ZNF334: variants seen among roughly 807,000 people sequenced by gnomAD.
ZNF334 encodes the protein zinc finger protein 334.
ZNF334 carries 14 observed loss-of-function variants against 12.4 expected under a neutral mutation model. The ratio of observed to expected loss-of-function variants is 1.13; its 90% CI spans 0.74 to 1.76. The LOEUF is 1.76. ZNF334 is among the 40% of genes most tolerant of loss of function. The pLI is 0.00. For synonymous variants in ZNF334, 273 were observed against 269.6 expected, an observed-to-expected ratio of 1.01 and a Z score of -0.12; for missense variants, 797 against 804.5, an observed-to-expected ratio of 0.99 and a Z score of 0.11.
At chr20:46,479,219 T>C in the ZNF334 span, among the ~76,000 whole-genome samples, 3 of 152,154 alleles carry the variant, frequency 2.0e-5, no homozygotes, top group Admixed American at 6.5e-5. Context: ...TGGAGGCTCC[T>C]ACCTGTCTTT....
At chr20:46,498,243 C>G (rs1225496781), downstream of ZNF334, among the ~76,000 whole-genome samples, 1 of 152,154 alleles carries the variant, frequency 6.6e-6, no homozygotes, top group Non-Finnish European at 1.5e-5. Flanking sequence ...GTGTGATACC[C>G]TTCCGCAACA....
chr20:46,506,275 C>A, intron 2 of ZNF334: 2 of 530,974 alleles, frequency 3.8e-6, no homozygotes, highest in Non-Finnish European at 6.7e-6. Context: ...GTGAAAAAAG[C>A]AAAGTATTAA....
intron 2 of ZNF334, among the ~76,000 whole-genome samples, chr20:46,507,465 T>C (rs1403196658): frequency 6.6e-6 from 1 of 152,094 alleles, no homozygotes; most frequent in African/African-American, 2.4e-5. Flanking sequence ...TTGAATACGA[T>C]AGATAATAAT....
chr20:46,470,107 C>T, the ZNF334 span, among the ~76,000 whole-genome samples: 11 of 152,172 alleles, frequency 7.2e-5, no homozygotes, highest in African/African-American at 2.7e-4. Context: ...CCATAAAAGA[C>T]AGTTAATTTT....
At chr20:46,485,721 G>C in the ZNF334 span, 2 of 152,094 alleles carry the variant, frequency 1.3e-5, no homozygotes, top group Non-Finnish European at 2.9e-5. Flanking sequence ...TTTCGGTCTG[G>C]AGTATCATTT....
the ZNF334 span, among the ~76,000 whole-genome samples, chr20:46,469,118 T>TATA: frequency 6.6e-6 from 1 of 152,186 alleles, no homozygotes; most frequent in Non-Finnish European, 1.5e-5. Context: ...CTCATTTTAT[T>TATA]TGATATATAA....
At chr20:46,489,336 T>C in the ZNF334 span, among the ~76,000 whole-genome samples, 1 of 152,188 alleles carries the variant, frequency 6.6e-6, no homozygotes, top group Non-Finnish European at 1.5e-5. Context: ...TCTTTGGCTA[T>C]GTAATTTTGC....
chr20:46,503,072 G>C lies in ZNF334; in HGVS notation c.267C>G (p.Asn89Lys). The change falls in exon 5 of 5, where the codon AAC becomes AAG. Residue 89 changes from asparagine to lysine, a missense_variant. By Grantham distance (94) the Asn-to-Lys change is moderately conservative (BLOSUM62 0). Transcript: ENST00000692313. ...YPDIDDALEK[N>K]KEIQDKHLTQ... Reference sequence around the variant, plus strand: ...TCAAATGTTTATCTTGGATTTCCTTGTTCTTCTCTAAGGCATCATCAATGT... The same window carrying C: ...TCAAATGTTTATCTTGGATTTCCTTCTTCTTCTCTAAGGCATCATCAATGT... 1 of 1,607,372 alleles carries C rather than the reference G, an allele frequency of 6.2e-7. No homozygotes were observed. Among genetic ancestry groups the C allele is most frequent in the Non-Finnish European group, 8.5e-7 (1 of 1,176,468 alleles).
Position 46,512,138 on chromosome 20 carries a change from G to T in ZNF334, c.-36C>A. The T allele has an allele frequency of 6.2e-7, 1 of 1,613,202 alleles. No individual in the cohort carries two copies. The highest frequency in any genetic ancestry group is 1.1e-5 in the South Asian group (1 of 91,020). On this transcript the variant is annotated splice_region_variant and 5_prime_UTR_variant, in exon 2 of 5. The change creates a new upstream start codon in the 5' untranslated region. Transcript: ENST00000692313. ...GAAAGGGCCAAGAGTGTTGAAAGCA[G>T]AGCTGGGTAAGGAAGAATGGCGAAT... is the stretch of plus-strand genomic sequence containing the variant.
At chr20:46,512,389 G>GA (rs536038666) in intron 1 of ZNF334, among the ~76,000 whole-genome samples, 151 bp downstream of exon 1, 1 of 152,100 alleles carries the variant, frequency 6.6e-6, no homozygotes, top group Admixed American at 6.6e-5. Context: ...TGCCTCCTTT[G>GA]AAAAAAATTG....
intron 3 of ZNF334, 60 bp downstream of exon 3, chr20:46,504,554 G>A: frequency 1.3e-6 from 2 of 1,524,802 alleles, no homozygotes; most frequent in Non-Finnish European, 8.8e-7. Context: ...AAATCAACAT[G>A]TTTTTGTAAC....
At chr20:46,489,529 G>A in the ZNF334 span, among the ~76,000 whole-genome samples, 5 of 151,692 alleles carry the variant, frequency 3.3e-5, no homozygotes, top group South Asian at 1.0e-3. Context: ...TTAGCTGGAT[G>A]TGATGGCATG....
downstream of ZNF334, among the ~76,000 whole-genome samples, chr20:46,498,026 C>G (rs1186320588): frequency 6.6e-6 from 1 of 152,208 alleles, no homozygotes; most frequent in Non-Finnish European, 1.5e-5. Flanking sequence ...TAGAAAGAAG[C>G]CTCCTTTGAC....
chr20:46,493,298 C>G, the ZNF334 span, among the ~76,000 whole-genome samples: 1 of 152,044 alleles, frequency 6.6e-6, no homozygotes, highest in African/African-American at 2.4e-5. Context: ...ATGATGCAAC[C>G]CTAATTTAAG....
In ZNF334 at chr20:46,504,672, A is replaced by G. The variant is rs776487808; in HGVS notation, c.90T>C (p.Ala30=). ...TCACATCCCTGTACAGGAGCCTCTG[A>G]GCAGGGTCCAGTTGCTGCCATTCCT... ...TQEEWQQLDP[A]QRLLYRDVML... The change falls in exon 3 of 5, where the codon GCT becomes GCC. Residue 30 remains alanine (A), a synonymous_variant. Coordinates refer to ENST00000692313, the MANE Select transcript of ZNF334 (RefSeq NM_001353824.2). The G allele has an allele frequency of 6.2e-7, 1 of 1,612,592 alleles. No individual in the cohort carries two copies.
Position 46,511,668 on chromosome 20 carries a change from T to C in ZNF334, c.21+414A>G, listed in dbSNP as rs148865069. On this transcript the variant is annotated intron_variant, in intron 2 of 4. Coordinates refer to ENST00000692313, the MANE Select transcript of ZNF334 (RefSeq NM_001353824.2). ...GGATCATAGACATCACAGAGAACCA[T>C]CAGAATGCTGCCTGTTCGGATGACA... 2.3e-3 allele frequency among the ~76,000 whole-genome samples: 343 copies of C among 152,318 alleles called. 2 individuals carry two copies. The highest frequency in any genetic ancestry group is 8.0e-3 in the African/African-American group (333 of 41,562).
At chr20:46,477,830 T>C in the ZNF334 span, among the ~76,000 whole-genome samples, 2 of 152,234 alleles carry the variant, frequency 1.3e-5, no homozygotes, top group Non-Finnish European at 2.9e-5. Context: ...AATATGGACA[T>C]GCTTAGCACT....
At position 46,501,587 on chromosome 20, in the gene ZNF334, C is replaced by G. The variant is rs748807077; in HGVS notation, c.1752G>C (p.Lys584Asn). The change falls in exon 5 of 5, where the codon AAG (lysine) becomes AAC (asparagine). Residue 584 changes from lysine to asparagine, a missense_variant. Physicochemically the swap from Lys to Asn is moderately conservative, Grantham distance 94 (BLOSUM62 0). Coordinates refer to ENST00000692313, the MANE Select transcript of ZNF334 (RefSeq NM_001353824.2). ...TTCGCTGATGTTCAACAAAGGAGAACTTCTGACAGAAGGTTTTCCCACATT... is the reference window on the plus strand; with the variant it reads ...TTCGCTGATGTTCAACAAAGGAGAAGTTCTGACAGAAGGTTTTCCCACATT... Reference protein sequence around the residue: ...CNECGKTFCQKFSFVEHQRTH... With the variant: ...CNECGKTFCQNFSFVEHQRTH... The G allele has an allele frequency of 6.2e-7, 1 of 1,614,070 alleles. No homozygotes were observed. The highest frequency in any genetic ancestry group is 1.7e-5 in the Admixed American group (1 of 60,022).
chr20:46,493,456 G>A, the ZNF334 span, among the ~76,000 whole-genome samples: 1 of 152,294 alleles, frequency 6.6e-6, no homozygotes, highest in Non-Finnish European at 1.5e-5. Flanking sequence ...GAAATCCAAA[G>A]GTCTTGGGTC....
Sources: gnomAD v4.1 joint callset for allele counts (sites outside exome capture counted in the v4.1 genomes callset) on GRCh38, gnomAD v4.1.1 for gene constraint, MANE v1.5 for transcripts, NCBI Gene and HGNC (gene_info 2026-07-23, HGNC 2026-07-21) for gene names.